SRGAP3: variants seen among roughly 807,000 people sequenced by gnomAD.
SRGAP3 encodes SLIT-ROBO Rho GTPase-activating protein 3.
A neutral mutation model predicts 121.1 loss-of-function variants in SRGAP3; 39 were observed. That is an observed-to-expected ratio of 0.32 (90% CI 0.25 to 0.42). SRGAP3 has a LOEUF of 0.42. Ranked by LOEUF, SRGAP3 falls within the 10% of genes least tolerant of loss-of-function variation. The pLI is 1.00. For missense variants in SRGAP3, 1,213 were observed against 1,470.6 expected, an observed-to-expected ratio of 0.82 and a Z score of 2.86; for synonymous variants, 601 against 570.0, an observed-to-expected ratio of 1.05 and a Z score of -0.77.
intron 3 of SRGAP3, among the ~76,000 whole-genome samples, chr3:9,271,774 G>A (rs935586508): frequency 1.3e-5 from 2 of 152,210 alleles, no homozygotes; most frequent in Admixed American, 1.3e-4. Flanking sequence ...GCGTGGCAGA[G>A]GATGTAGCAA....
rs767863795 is a variant in SRGAP3 at position 9,028,081 on chromosome 3, G to A, written c.1540-1086C>T. The A allele has an allele frequency of 4.3e-6, 7 of 1,614,068 alleles. No individual in the cohort carries two copies. The South Asian group carries it at 6.6e-5, about 15-fold the overall frequency. On this transcript the variant is annotated intron_variant, in intron 12 of 21. Coordinates refer to ENST00000383836, the MANE Select transcript of SRGAP3 (RefSeq NM_014850.4). ...TTCCATCACGGTGAATGGGGCTAAT[G>A]GGCCTTTCTAGTAAATACCTGGTTC... is the stretch of plus-strand genomic sequence containing the variant.
intron 3 of SRGAP3, among the ~76,000 whole-genome samples, chr3:9,285,977 G>A (rs778656804): frequency 6.6e-6 from 1 of 151,742 alleles, no homozygotes; most frequent in Admixed American, 6.6e-5. Flanking sequence ...GCTCAGCTTA[G>A]TGACGTGCAC....
chr3:9,168,028 A>G (rs1473829590), intron 1 of SRGAP3, among the ~76,000 whole-genome samples: 1 of 152,158 alleles, frequency 6.6e-6, no homozygotes, highest in Non-Finnish European at 1.5e-5. Flanking sequence ...ATTCCCCACC[A>G]CAAGTCTATG....
chr3:9,288,306 T>A (rs1440150249), intron 3 of SRGAP3, among the ~76,000 whole-genome samples: 1 of 151,536 alleles, frequency 6.6e-6, no homozygotes, highest in Non-Finnish European at 1.5e-5. Context: ...CCTGGCTAAT[T>A]TTCATATTTT....
At chr3:9,297,926 A>T (rs1172947069) in intron 3 of SRGAP3, among the ~76,000 whole-genome samples, 1 of 152,068 alleles carries the variant, frequency 6.6e-6, no homozygotes, top group Non-Finnish European at 1.5e-5. Flanking sequence ...AGAGTATGAA[A>T]ATTAGGACAT....
rs117795886 is a variant in SRGAP3, at chr3:9,149,911, A to G, written c.68-24994T>C. Among the ~76,000 whole-genome samples, 240 of 152,294 alleles carry G rather than the reference A, an allele frequency of 1.6e-3. 8 individuals are homozygous for G. In the East Asian group the frequency reaches 0.042, roughly 27 times the overall value. Reference sequence around the variant, plus strand: ...ATTCATGCACCCCATCCAGCCAGCCATGGCTCCATCCATTCATTCACCATG... The same window carrying G: ...ATTCATGCACCCCATCCAGCCAGCCGTGGCTCCATCCATTCATTCACCATG... On this transcript the variant is annotated intron_variant, in intron 1 of 21. Transcript: ENST00000383836.
chr3:9,359,210 A>C (rs2125298211), intron 1 of SRGAP3, among the ~76,000 whole-genome samples: 1 of 152,296 alleles, frequency 6.6e-6, no homozygotes, highest in South Asian at 2.1e-4. Context: ...GATCTTATAA[A>C]AGGGTCCGTT....
At chr3:9,088,475 T>C (rs1947594129) in intron 3 of SRGAP3, among the ~76,000 whole-genome samples, 1 of 152,142 alleles carries the variant, frequency 6.6e-6, no homozygotes, top group Admixed American at 6.6e-5. Context: ...TCAGCTCCCT[T>C]AGGGCCAGGC....
intron 4 of SRGAP3, among the ~76,000 whole-genome samples, chr3:9,072,945 G>A (rs1575027167): frequency 6.6e-6 from 1 of 152,124 alleles, no homozygotes; most frequent in East Asian, 1.9e-4. Flanking sequence ...ACATCAGGAG[G>A]AAAAAACAGT....
chr3:9,069,158 C>G (rs1022584664), intron 4 of SRGAP3, among the ~76,000 whole-genome samples: 10 of 152,176 alleles, frequency 6.6e-5, no homozygotes, highest in African/African-American at 2.4e-4. Flanking sequence ...CCTTTCTCAA[C>G]TGTAAAACAG....
At chr3:9,067,245 C>T (rs1020163044) in intron 4 of SRGAP3, among the ~76,000 whole-genome samples, 1 of 52,556 alleles carries the variant, frequency 1.9e-5, no homozygotes, top group Non-Finnish European at 3.7e-5. Context: ...AGAACATTAA[C>T]TAATGTGAAA....
At chr3:9,125,286 A>G (rs372265637) in intron 1 of SRGAP3, among the ~76,000 whole-genome samples, 37 of 152,236 alleles carry the variant, frequency 2.4e-4, no homozygotes, top group African/African-American at 8.2e-4. Context: ...CTATCAATAC[A>G]GTAAAGTGAA....
At chr3:9,272,075 G>C (rs2125261031) in intron 3 of SRGAP3, among the ~76,000 whole-genome samples, 1 of 152,294 alleles carries the variant, frequency 6.6e-6, no homozygotes, top group East Asian at 1.9e-4. Flanking sequence ...GCAATGTTTG[G>C]ACATTGTCCA....
intron 21 of SRGAP3, among the ~76,000 whole-genome samples, chr3:8,988,981 G>A (rs776914449): frequency 1.1e-4 from 16 of 152,134 alleles, no homozygotes; most frequent in Non-Finnish European, 1.9e-4. Context: ...TCCATGGCCC[G>A]GGGGCTGGGG....
intron 1 of SRGAP3, among the ~76,000 whole-genome samples, chr3:9,187,386 C>T (rs568927073): frequency 6.6e-6 from 1 of 152,112 alleles, no homozygotes; most frequent in Non-Finnish European, 1.5e-5. Flanking sequence ...TGATTGAGGG[C>T]AAGTCGGGGA....
rs1355167499 is a variant in SRGAP3, at chr3:9,260,552, ACCCACTGCGGCGTGGCAT to A, written n.442+65440_442+65457del. Reference sequence around the variant, plus strand: ...CACTGGGAAGTTCAAACGATGCGGAACCCACTGCGGCGTGGCATCGCCACTGTAGCCAGACTGCCTCTC... The same window carrying A: ...CACTGGGAAGTTCAAACGATGCGGAACGCCACTGTAGCCAGACTGCCTCTC... On this transcript the variant is annotated intron_variant and non_coding_transcript_variant, in intron 3 of 3. Coordinates refer to the SRGAP3 transcript ENST00000490889. Among the ~76,000 whole-genome samples the A allele has an allele frequency of 7.2e-5, 11 of 152,342 alleles. No individual in the cohort carries two copies. In the East Asian group the frequency reaches 1.9e-3, roughly 27 times the overall value.
chr3:9,303,393 C>G (rs1334858004), intron 3 of SRGAP3, among the ~76,000 whole-genome samples: 1 of 151,346 alleles, frequency 6.6e-6, no homozygotes, highest in African/African-American at 2.4e-5. Flanking sequence ...CCACTGCACT[C>G]CAGCCTGGGC....
At chr3:9,226,351 C>T (rs552629115) in intron 1 of SRGAP3, among the ~76,000 whole-genome samples, 2 of 152,320 alleles carry the variant, frequency 1.3e-5, no homozygotes, top group African/African-American at 4.8e-5. Context: ...CAGAGACCTT[C>T]TAAGTCACCT....
chr3:9,200,783 C>A (rs2125156557), intron 1 of SRGAP3, among the ~76,000 whole-genome samples: 1 of 152,284 alleles, frequency 6.6e-6, no homozygotes, highest in Middle Eastern at 3.4e-3. Context: ...AATGCAGATT[C>A]CCGGGCTCCA....
Sources: allele counts gnomAD v4.1 joint callset (sites outside exome capture counted in the v4.1 genomes callset), GRCh38; gene constraint gnomAD v4.1.1; transcripts MANE v1.5; gene names NCBI Gene and HGNC (gene_info 2026-07-23, HGNC 2026-07-21).